Variants in ABLIM2 observed in about 807,000 individuals in gnomAD.
ABLIM2 encodes the protein actin binding LIM protein family member 2, also known as actin-binding LIM protein 2.
In ABLIM2, 53 loss-of-function variants were observed where a neutral mutation model predicts 97.7. The observed-to-expected ratio is 0.54, with a 90% CI of 0.44 to 0.68. The LOEUF (loss-of-function observed/expected upper bound fraction) is 0.68, where lower values mean the gene tolerates loss of function less well. ABLIM2 is among the 30% of genes least tolerant of loss of function. The pLI is 0.00. For missense variants in ABLIM2, 835 were observed against 867.2 expected, an observed-to-expected ratio of 0.96 and a Z score of 0.47; for synonymous variants, 361 against 345.8, an observed-to-expected ratio of 1.04 and a Z score of -0.49.
chr4:8,086,667 C>A (rs1432821101), intron 4 of ABLIM2, among the ~76,000 whole-genome samples: 2 of 152,126 alleles, frequency 1.3e-5, no homozygotes, highest in Admixed American at 1.3e-4. Context: ...TTTAATTTGG[C>A]TGCCAGGAAG....
rs115370935 is a variant in ABLIM2, at chr4:8,128,475, C to T, written c.11-21838G>A. 3.5e-3 allele frequency among the ~76,000 whole-genome samples: 529 copies of T among 152,304 alleles called. 4 individuals are homozygous for T. The highest frequency in any genetic ancestry group is 0.011 in the African/African-American group (442 of 41,562). Reference sequence around the variant, plus strand: ...GCATACCGAAACATGGCTAGCACCACGCAGAACAGAGTTTTAGATTTTATT... The same window carrying T: ...GCATACCGAAACATGGCTAGCACCATGCAGAACAGAGTTTTAGATTTTATT... On this transcript the variant is annotated intron_variant, in intron 1 of 20. Transcript: ENST00000447017. This position sits in a 1 kb window ranked among gnomAD's most constrained non-coding sequence, Gnocchi z 4.9.
At chr4:8,081,281 A>G (rs1217596689) in intron 4 of ABLIM2, among the ~76,000 whole-genome samples, 1 of 152,178 alleles carries the variant, frequency 6.6e-6, no homozygotes, top group Non-Finnish European at 1.5e-5. Flanking sequence ...TGCCATCCCT[A>G]CGGTGACTGG....
At chr4:8,144,625 G>A (rs891291942) in intron 1 of ABLIM2, among the ~76,000 whole-genome samples, 8 of 152,192 alleles carry the variant, frequency 5.3e-5, no homozygotes, top group Non-Finnish European at 1.2e-4. Context: ...CCAGCCCAGC[G>A]GGTGACGCGG....
chr4:8,086,284 C>CAAAA (rs140575003), intron 4 of ABLIM2, among the ~76,000 whole-genome samples: 1 of 129,078 alleles, frequency 7.7e-6, no homozygotes. Context: ...TTGAAAACCT[C>CAAAA]AAAAAAAAAA....
chr4:7,974,774 T>C (rs940126757), intron 20 of ABLIM2, among the ~76,000 whole-genome samples: 17 of 152,044 alleles, frequency 1.1e-4, no homozygotes, highest in African/African-American at 4.1e-4. Context: ...TCCATCTATC[T>C]ATCCATCCAT....
chr4:7,989,675 G>A (rs1329091846), intron 17 of ABLIM2, among the ~76,000 whole-genome samples: 1 of 152,010 alleles, frequency 6.6e-6, no homozygotes, highest in Non-Finnish European at 1.5e-5. Context: ...TAGTTTTTAA[G>A]TGTGCATCTT....
intron 20 of ABLIM2, among the ~76,000 whole-genome samples, chr4:7,978,329 G>A (rs1735215597): frequency 6.6e-6 from 1 of 152,134 alleles, no homozygotes; most frequent in African/African-American, 2.4e-5. Flanking sequence ...CGCACCCTTG[G>A]GTGTGTTCTT....
At chr4:8,040,745 G>T (rs1210350363) in intron 9 of ABLIM2, among the ~76,000 whole-genome samples, 6 of 152,266 alleles carry the variant, frequency 3.9e-5, no homozygotes, top group African/African-American at 1.2e-4. Flanking sequence ...CAACCCCAAG[G>T]TGGGAGAGAG....
At chr4:8,037,441 C>T (rs1254627601) in intron 9 of ABLIM2, among the ~76,000 whole-genome samples, 1 of 152,046 alleles carries the variant, frequency 6.6e-6, no homozygotes, top group Non-Finnish European at 1.5e-5. Context: ...ATAGACCCCC[C>T]TCACATCCTG....
At chr4:8,084,446 T>C (rs11731965) in intron 4 of ABLIM2, among the ~76,000 whole-genome samples, 52,421 of 152,050 alleles carry the variant, frequency 0.34, 9,444 homozygotes, top group Admixed American at 0.44. Flanking sequence ...GGCTCTGGTT[T>C]GGGCACCCAC....
chr4:8,055,425 C>A (rs190468503), intron 7 of ABLIM2, among the ~76,000 whole-genome samples: 1 of 147,612 alleles, frequency 6.8e-6, no homozygotes, highest in African/African-American at 2.5e-5. Context: ...CCACTCCCTG[C>A]GAGGGGCTGG....
intron 6 of ABLIM2, among the ~76,000 whole-genome samples, chr4:8,064,536 T>C (rs1335565836): frequency 1.3e-5 from 2 of 152,232 alleles, no homozygotes; most frequent in Non-Finnish European, 2.9e-5. Context: ...TCCATCACTT[T>C]AGGAAATCCA....
At chr4:7,985,373 C>T (rs569002550) in intron 17 of ABLIM2, among the ~76,000 whole-genome samples, 2 of 152,292 alleles carry the variant, frequency 1.3e-5, no homozygotes, top group South Asian at 4.1e-4. Context: ...CCCAGGTGCT[C>T]AGGGAGCCCC....
intron 1 of ABLIM2, among the ~76,000 whole-genome samples, chr4:8,114,055 C>T (rs1276473298): frequency 2.6e-5 from 4 of 152,234 alleles, no homozygotes; most frequent in Non-Finnish European, 4.4e-5. Context: ...CAGTGCTCAG[C>T]TCACCTTCAT....
chr4:8,049,432 A>G (rs754122772), intron 8 of ABLIM2, among the ~76,000 whole-genome samples: 35 of 152,222 alleles, frequency 2.3e-4, no homozygotes, highest in Admixed American at 7.2e-4. Flanking sequence ...AGCCATCTCA[A>G]TGGACTCTAT....
At chr4:8,025,832 T>C (rs1302905024) in intron 12 of ABLIM2, among the ~76,000 whole-genome samples, 1 of 152,130 alleles carries the variant, frequency 6.6e-6, no homozygotes, top group Admixed American at 6.5e-5. Flanking sequence ...CCTCCTGGCA[T>C]GGAGCAACAG....
chr4:8,040,214 G>A (rs561658225), intron 9 of ABLIM2, among the ~76,000 whole-genome samples: 3 of 152,306 alleles, frequency 2.0e-5, no homozygotes, highest in African/African-American at 7.2e-5. Flanking sequence ...AGCACCCGAC[G>A]GGGACATGGA....
intron 16 of ABLIM2, among the ~76,000 whole-genome samples, chr4:8,006,042 C>T (rs1377138833): frequency 9.4e-5 from 14 of 149,130 alleles, no homozygotes; most frequent in African/African-American, 3.2e-4. Flanking sequence ...ATGCCCTTGC[C>T]GCTGAGTGAC....
At chr4:7,974,302 C>CCAAT (rs1350302118) in intron 20 of ABLIM2, among the ~76,000 whole-genome samples, 1 of 149,684 alleles carries the variant, frequency 6.7e-6, no homozygotes, top group Non-Finnish European at 1.5e-5. Flanking sequence ...TACCCATCCA[C>CCAAT]CCATCCACCA....
Sources: gnomAD v4.1 joint callset for allele counts (sites outside exome capture counted in the v4.1 genomes callset) on GRCh38, gnomAD v4.1.1 for gene constraint, Gnocchi (gnomAD v3.1) non-coding constraint, MANE v1.5 for transcripts, NCBI Gene and HGNC (gene_info 2026-07-23, HGNC 2026-07-21) for gene names.